Variants in UNC5D observed in about 807,000 individuals in gnomAD.
UNC5D encodes the protein netrin receptor UNC5D.
A neutral mutation model predicts 105.4 loss-of-function variants in UNC5D; 39 were observed. The ratio of observed to expected loss-of-function variants is 0.37; its 90% confidence interval spans 0.29 to 0.48. The LOEUF (loss-of-function observed/expected upper bound fraction) is 0.48. UNC5D is among the 20% of genes least tolerant of loss of function. The pLI, the probability that UNC5D is intolerant of heterozygous loss-of-function variation, is 0.98. For missense variants in UNC5D, 991 were observed against 1,202.4 expected (o/e 0.82, Z 2.60); for synonymous variants, 452 against 450.4 (o/e 1.00, Z -0.04).
At chr8:35,593,126 A>G (rs1819282701) in intron 3 of UNC5D, among the ~76,000 whole-genome samples, 1 of 151,984 alleles carries the variant, frequency 6.6e-6, no homozygotes, top group African/African-American at 2.4e-5. Context: ...ATAGATATGT[A>G]TGTATTTACT....
chr8:35,306,864 T>C (rs540623584), intron 1 of UNC5D, among the ~76,000 whole-genome samples: 1 of 152,320 alleles, frequency 6.6e-6, no homozygotes, highest in South Asian at 2.1e-4. Flanking sequence ...TGATCCATCA[T>C]TGATAGATCA....
intron 1 of UNC5D, among the ~76,000 whole-genome samples, chr8:35,448,674 G>A (rs1807953747): frequency 6.6e-6 from 1 of 152,046 alleles, no homozygotes; most frequent in Non-Finnish European, 1.5e-5. Flanking sequence ...GATTTATTGT[G>A]TAGTGTTGAA....
At chr8:35,537,998 A>C (rs1473454047) in intron 1 of UNC5D, among the ~76,000 whole-genome samples, 2 of 152,194 alleles carry the variant, frequency 1.3e-5, no homozygotes, top group Non-Finnish European at 2.9e-5. Flanking sequence ...GTCTAGATAT[A>C]CATGATATCC....
At chr8:35,670,236 A>G (rs995103621) in intron 4 of UNC5D, among the ~76,000 whole-genome samples, 2 of 152,182 alleles carry the variant, frequency 1.3e-5, no homozygotes, top group Non-Finnish European at 2.9e-5. Context: ...AAAATCCTTA[A>G]TGACCTTAGC....
intron 1 of UNC5D, among the ~76,000 whole-genome samples, chr8:35,425,890 G>T (rs967062519): frequency 1.5e-4 from 23 of 152,210 alleles, no homozygotes; most frequent in African/African-American, 5.5e-4. Context: ...TCAGACTGGC[G>T]TTTAACCATT....
intron 1 of UNC5D, among the ~76,000 whole-genome samples, chr8:35,410,059 T>A (rs1264440627): frequency 6.6e-6 from 1 of 151,542 alleles, no homozygotes; most frequent in Non-Finnish European, 1.5e-5. Context: ...AGTAATGAAT[T>A]TTCCAATCTA....
intron 1 of UNC5D, among the ~76,000 whole-genome samples, chr8:35,427,372 C>CAA (rs1806323152): frequency 2.0e-5 from 3 of 152,194 alleles, no homozygotes; most frequent in Admixed American, 2.0e-4. Context: ...CCTTGGGTGG[C>CAA]ATCTTGCTAG....
intron 1 of UNC5D, among the ~76,000 whole-genome samples, chr8:35,455,829 A>G (rs1195479324): frequency 6.6e-6 from 1 of 152,074 alleles, no homozygotes; most frequent in Admixed American, 6.6e-5. Context: ...ATCTCATGAG[A>G]CTTACTCACT....
chr8:35,720,687 T>C (rs1828527935), intron 8 of UNC5D, among the ~76,000 whole-genome samples: 1 of 152,088 alleles, frequency 6.6e-6, no homozygotes, highest in East Asian at 1.9e-4. Flanking sequence ...TGGTTATGAG[T>C]GGTTGGAGAA....
At chr8:35,715,199 T>A (rs992232746) in intron 8 of UNC5D, among the ~76,000 whole-genome samples, 2 of 152,154 alleles carry the variant, frequency 1.3e-5, no homozygotes, top group African/African-American at 2.4e-5. Flanking sequence ...TATGTTCTGA[T>A]AAGTGATTGA....
intron 1 of UNC5D, among the ~76,000 whole-genome samples, chr8:35,249,739 T>G (rs1803564666): frequency 6.6e-6 from 1 of 152,104 alleles, no homozygotes; most frequent in African/African-American, 2.4e-5. Context: ...CTCTTGTGCC[T>G]CTATTATGAT....
At chr8:35,353,683 A>G (rs1285274723) in intron 1 of UNC5D, among the ~76,000 whole-genome samples, 1 of 152,160 alleles carries the variant, frequency 6.6e-6, no homozygotes, top group Admixed American at 6.6e-5. Flanking sequence ...TGCTATTATT[A>G]TTCTTAAAAA....
intron 2 of UNC5D, among the ~76,000 whole-genome samples, chr8:35,550,648 A>G (rs2130695510): frequency 6.6e-6 from 1 of 152,344 alleles, no homozygotes; most frequent in Non-Finnish European, 1.5e-5. Flanking sequence ...TGACAGAGAT[A>G]AGACAAATAT....
intron 1 of UNC5D, among the ~76,000 whole-genome samples, chr8:35,298,542 T>G (rs1237461885): frequency 6.6e-6 from 1 of 151,254 alleles, no homozygotes; most frequent in Admixed American, 6.6e-5. Flanking sequence ...TTTGTCAGAA[T>G]AGAGATTGAT....
chr8:35,732,576 T>C (rs1188925873), intron 11 of UNC5D, among the ~76,000 whole-genome samples: 1 of 152,166 alleles, frequency 6.6e-6, no homozygotes, highest in African/African-American at 2.4e-5. Flanking sequence ...TAGGTTGATT[T>C]ACTTAAGAAA....
intron 1 of UNC5D, among the ~76,000 whole-genome samples, chr8:35,309,917 C>T (rs1435728800): frequency 6.6e-6 from 1 of 152,114 alleles, no homozygotes; most frequent in Non-Finnish European, 1.5e-5. Context: ...AGTATACCAA[C>T]TTTGAATTTT....
chr8:35,504,655 A>T lies in UNC5D; in HGVS notation c.104-44637A>T, dbSNP rs533679983. On this transcript the variant is annotated intron_variant, in intron 1 of 16. Transcript: ENST00000404895. ...TCCTTTGTTCTTTCTGGCAACTCTA[A>T]TAGAGTCCCAGATTTTTGTATGCAT... 3.5e-4 allele frequency among the ~76,000 whole-genome samples: 54 copies of T among 152,322 alleles called. No individual in the cohort carries two copies. In the South Asian group the frequency reaches 6.6e-3, roughly 19 times the overall value.
At chr8:35,495,356 G>A (rs1811484808) in intron 1 of UNC5D, among the ~76,000 whole-genome samples, 1 of 150,550 alleles carries the variant, frequency 6.6e-6, no homozygotes, top group South Asian at 2.1e-4. Flanking sequence ...TTAGAGCAGG[G>A]TGTCCAATCT....
At chr8:35,534,603 G>A (rs1814695611) in intron 1 of UNC5D, among the ~76,000 whole-genome samples, 1 of 151,364 alleles carries the variant, frequency 6.6e-6, no homozygotes, top group Non-Finnish European at 1.5e-5. Context: ...AAATAGCTCT[G>A]TTTACTCATT....
Sources: allele counts gnomAD v4.1 joint callset (sites outside exome capture counted in the v4.1 genomes callset), GRCh38; gene constraint gnomAD v4.1.1; transcripts MANE v1.5; gene names NCBI Gene and HGNC (gene_info 2026-07-23, HGNC 2026-07-21).